Variants in NCKAP5 observed in about 807,000 individuals in gnomAD.
NCKAP5 encodes nck-associated protein 5.
NCKAP5 carries 92 observed loss-of-function variants against 167.0 expected under a neutral mutation model. That is an observed-to-expected ratio of 0.55 (90% CI 0.47 to 0.66). The LOEUF (loss-of-function observed/expected upper bound fraction) is 0.66. Ranked by LOEUF, NCKAP5 falls within the 30% of genes least tolerant of loss-of-function variation. The pLI is 0.00. For missense variants in NCKAP5, 2,378 were observed against 2,315.0 expected (o/e 1.03, Z -0.56); for synonymous variants, 891 against 877.4 (o/e 1.02, Z -0.27).
intron 5 of NCKAP5, among the ~76,000 whole-genome samples, chr2:133,135,825 C>T (rs181689551): frequency 6.6e-6 from 1 of 152,118 alleles, no homozygotes; most frequent in Admixed American, 6.5e-5. Flanking sequence ...TGGTAAGGCA[C>T]TTCAAAAACT....
At chr2:132,943,383 T>C (rs1370948970) in intron 8 of NCKAP5, among the ~76,000 whole-genome samples, 1 of 152,216 alleles carries the variant, frequency 6.6e-6, no homozygotes, top group East Asian at 1.9e-4. Flanking sequence ...GAATATACAT[T>C]AAATGTAAAA....
chr2:132,973,474 TCATC>T (rs1202205925), intron 7 of NCKAP5, among the ~76,000 whole-genome samples: 1 of 152,160 alleles, frequency 6.6e-6, no homozygotes, highest in Non-Finnish European at 1.5e-5. Flanking sequence ...CTCAATTTCT[TCATC>T]CATAAAATAA....
the NCKAP5 span, among the ~76,000 whole-genome samples, chr2:133,667,862 C>A: frequency 6.6e-6 from 1 of 151,922 alleles, no homozygotes; most frequent in South Asian, 2.1e-4. Context: ...CAGAGTTGTA[C>A]TATCAGCACC....
chr2:133,548,006 G>C (rs1234991118), intron 2 of NCKAP5, among the ~76,000 whole-genome samples: 2 of 146,968 alleles, frequency 1.4e-5, no homozygotes, highest in Non-Finnish European at 3.0e-5. Context: ...TGTATGACTA[G>C]AATAACCAAT....
At chr2:132,758,008 C>T (rs79252117) in intron 16 of NCKAP5, among the ~76,000 whole-genome samples, 2,446 of 152,306 alleles carry the variant, frequency 0.016, 71 homozygotes, top group African/African-American at 0.056. Context: ...ATTTTACAAA[C>T]TTCCCCCTTT....
At chr2:133,104,352 G>A (rs1007993993) in intron 6 of NCKAP5, among the ~76,000 whole-genome samples, 42 of 152,182 alleles carry the variant, frequency 2.8e-4, no homozygotes. Context: ...GAAAACCGGA[G>A]ATGTTATTGG....
intron 6 of NCKAP5, among the ~76,000 whole-genome samples, chr2:133,020,698 A>G (rs2149389916): frequency 6.6e-6 from 1 of 152,360 alleles, no homozygotes; most frequent in African/African-American, 2.4e-5. Flanking sequence ...CAAAATAAAT[A>G]CACTGTGGTG....
rs562858746 is a variant in NCKAP5, at chr2:133,018,928, C to T, written c.342-24689G>A. ...GACTTTCTACCCTTTAGCCTTGTTG[C>T]TATTTAAAAGTCAACCATTAGAGGT... On this transcript the variant is annotated intron_variant, in intron 6 of 19. Coordinates refer to ENST00000409261, the MANE Select transcript of NCKAP5 (RefSeq NM_207363.3). Among the ~76,000 whole-genome samples the T allele has an allele frequency of 2.6e-5, 4 of 152,264 alleles. No homozygotes were observed. In the South Asian group the frequency reaches 8.3e-4, roughly 32 times the overall value.
intron 5 of NCKAP5, among the ~76,000 whole-genome samples, chr2:133,167,005 T>C (rs965304788): frequency 2.0e-5 from 3 of 152,188 alleles, no homozygotes; most frequent in African/African-American, 7.2e-5. Flanking sequence ...ATTAAACATT[T>C]CAGCTCAAAT....
the NCKAP5 span, among the ~76,000 whole-genome samples, chr2:133,656,863 C>G: frequency 2.0e-5 from 3 of 151,804 alleles, no homozygotes; most frequent in East Asian, 3.9e-4. Context: ...GATTTTGGGG[C>G]ACATATCACC....
intron 6 of NCKAP5, among the ~76,000 whole-genome samples, chr2:133,063,574 A>C (rs1345354473): frequency 6.6e-6 from 1 of 152,240 alleles, no homozygotes. Flanking sequence ...AAGCTCTGTG[A>C]CTAGCACAAA....
upstream of NCKAP5, among the ~76,000 whole-genome samples, chr2:133,569,922 A>G (rs1454173559): frequency 6.6e-6 from 1 of 152,256 alleles, no homozygotes; most frequent in Non-Finnish European, 1.5e-5. Flanking sequence ...ACAGACCCTT[A>G]GACCCAGCAA....
intron 6 of NCKAP5, among the ~76,000 whole-genome samples, chr2:133,044,119 T>C (rs1228476245): frequency 6.6e-6 from 1 of 152,152 alleles, no homozygotes; most frequent in Non-Finnish European, 1.5e-5. Context: ...TGGTAAATTG[T>C]TTATTCACAA....
At chr2:133,507,512 A>G (rs1683115629) in intron 3 of NCKAP5, among the ~76,000 whole-genome samples, 2 of 152,366 alleles carry the variant, frequency 1.3e-5, no homozygotes, top group South Asian at 4.1e-4. Context: ...TAAGAAACTG[A>G]AATTTATGAG....
chr2:133,185,565 A>T (rs1321612165), intron 5 of NCKAP5, among the ~76,000 whole-genome samples: 1 of 152,004 alleles, frequency 6.6e-6, no homozygotes, highest in Non-Finnish European at 1.5e-5. Flanking sequence ...AGTATGGCCA[A>T]CTGTAATAAT....
intron 4 of NCKAP5, among the ~76,000 whole-genome samples, chr2:133,255,890 G>A (rs1559323056): frequency 2.0e-5 from 3 of 152,110 alleles, no homozygotes; most frequent in African/African-American, 7.2e-5. Flanking sequence ...CAAATTATGT[G>A]CAAACTCATA....
intron 3 of NCKAP5, among the ~76,000 whole-genome samples, chr2:133,441,207 A>G (rs947383245): frequency 2.0e-5 from 3 of 152,190 alleles, no homozygotes; most frequent in African/African-American, 7.2e-5. Context: ...CTGTGAGTCC[A>G]ATCAATATAT....
intron 3 of NCKAP5, among the ~76,000 whole-genome samples, chr2:133,303,599 T>C (rs1056150871): frequency 2.0e-5 from 3 of 151,976 alleles, no homozygotes; most frequent in African/African-American, 7.3e-5. Context: ...GACATGTCCA[T>C]TTTTCTTCAA....
At chr2:132,990,029 T>C (rs1024276361) in intron 7 of NCKAP5, among the ~76,000 whole-genome samples, 3 of 152,160 alleles carry the variant, frequency 2.0e-5, no homozygotes, top group African/African-American at 7.2e-5. Context: ...ACCAAGCATA[T>C]GTGCCCTGAC....
Sources: allele counts gnomAD v4.1 joint callset (sites outside exome capture counted in the v4.1 genomes callset), GRCh38; gene constraint gnomAD v4.1.1; transcripts MANE v1.5; gene names NCBI Gene and HGNC (gene_info 2026-07-23, HGNC 2026-07-21).